The following FAM234B variants were observed in gnomAD, a reference collection of about 807,000 sequenced individuals.
The protein encoded by FAM234B is protein FAM234B.
In FAM234B, 33 loss-of-function variants were observed where a neutral mutation model predicts 69.3. The ratio of observed to expected loss-of-function variants is 0.48; its 90% CI spans 0.36 to 0.64. The LOEUF is 0.64. Ranked by LOEUF, FAM234B falls within the 30% of genes least tolerant of loss-of-function variation. The pLI, the probability that FAM234B is intolerant of heterozygous loss-of-function variation, is 0.00. For synonymous variants in FAM234B, 306 were observed against 306.9 expected (o/e 1.00, Z 0.03); for missense variants, 697 against 769.7 (o/e 0.91, Z 1.12).
At chr12:13,079,121 G>T (rs972065639) in intron 11 of FAM234B, among the ~76,000 whole-genome samples, 37 of 152,196 alleles carry the variant, frequency 2.4e-4, no homozygotes, top group African/African-American at 7.9e-4. Flanking sequence ...GAGGCATCAC[G>T]CTACCTGACT....
At position 13,044,429 on chromosome 12, in the gene FAM234B, T is replaced by C; in HGVS notation, c.26T>C (p.Leu9Pro). 1.3e-6 allele frequency: 2 copies of C among 1,551,680 alleles called. No homozygotes were observed. The highest frequency in any genetic ancestry group is 2.4e-5 in the South Asian group (2 of 84,122). The change falls in exon 1 of 13, where the codon CTC becomes CCC. Residue 9 changes from leucine (L) to proline (P), a missense_variant. Coordinates refer to ENST00000197268, the MANE Select transcript of FAM234B (RefSeq NM_020853.2). This position sits in a 1 kb window ranked among gnomAD's most constrained non-coding sequence, Gnocchi z 5.6. MATVLSRA[L>P]KLPGKKSPDL... ...ATGGCGACCGTGCTGTCCAGGGCGC[T>C]CAAGCTGCCGGGTAAGGAGTCGCAT...
intron 5 of FAM234B, among the ~76,000 whole-genome samples, chr12:13,066,005 C>T (rs1419769862): frequency 6.6e-6 from 1 of 152,120 alleles, no homozygotes; most frequent in Non-Finnish European, 1.5e-5. Flanking sequence ...TAAATTTGGC[C>T]CACTACTTGT....
intron 9 of FAM234B, among the ~76,000 whole-genome samples, chr12:13,070,886 T>C (rs946214089): frequency 6.6e-6 from 1 of 152,186 alleles, no homozygotes; most frequent in Admixed American, 6.5e-5. Context: ...TCTGTCTCTC[T>C]GAGGACTGTC....
chr12:13,066,876 T>C (rs1865045003), intron 6 of FAM234B, 89 bp downstream of exon 6: 1 of 1,421,980 alleles, frequency 7.0e-7, no homozygotes. Flanking sequence ...GCTCAGGAAC[T>C]CCTGACACCA....
intron 10 of FAM234B, among the ~76,000 whole-genome samples, chr12:13,074,076 G>C (rs1337112437): frequency 6.6e-6 from 1 of 152,150 alleles, no homozygotes; most frequent in Non-Finnish European, 1.5e-5. Flanking sequence ...GATAGGGGCT[G>C]TTTTCAAACT....
At chr12:13,057,034 G>A (rs1137853) in intron 2 of FAM234B, among the ~76,000 whole-genome samples, 2 of 149,380 alleles carry the variant, frequency 1.3e-5, no homozygotes, top group Non-Finnish European at 3.0e-5. Flanking sequence ...CTGGGGTGCA[G>A]TGGCATGATC....
In FAM234B at chr12:13,068,713, T is replaced by C; in HGVS notation, c.1368+2T>C. On this transcript the variant is annotated splice_donor_variant, in intron 9 of 12. Coordinates refer to ENST00000197268, the MANE Select transcript of FAM234B (RefSeq NM_020853.2). LOFTEE classifies it high-confidence loss of function. ...CAGGATGGAGTTGGGATGAAAAAGGTAAAACTTTGGGCCTCAGATCAATCA... is the reference window on the plus strand; with the variant it reads ...CAGGATGGAGTTGGGATGAAAAAGGCAAAACTTTGGGCCTCAGATCAATCA... 6.3e-7 allele frequency: 1 copy of C among 1,597,978 alleles called. No homozygotes were observed. The highest frequency in any genetic ancestry group is 8.6e-7 in the Non-Finnish European group (1 of 1,165,548).
chr12:13,067,552 A>T lies in FAM234B; in HGVS notation c.1142+256A>T, dbSNP rs1053918078. On this transcript the variant is annotated intron_variant, in intron 7 of 12. Transcript: ENST00000197268. The surrounding 1 kb of genome is among the most constrained non-coding windows in gnomAD (Gnocchi z 4.7). ...AGGTAGGATGCAAGGAAGGATACTT[A>T]GGGCTCTGAGTCAGAGTAGGGAGGG... 2.0e-5 allele frequency among the ~76,000 whole-genome samples: 3 copies of T among 152,222 alleles called. No homozygotes were observed. The highest frequency in any genetic ancestry group is 4.4e-5 in the Non-Finnish European group (3 of 68,028).
Position 13,055,759 on chromosome 12 carries a change from C to T in FAM234B, c.246C>T (p.Tyr82=). The T allele has an allele frequency of 1.2e-6, 2 of 1,614,190 alleles. No individual in the cohort carries two copies. Among genetic ancestry groups the T allele is most frequent in the South Asian group, 1.1e-5 (1 of 91,086 alleles). ...TTTCAGAAGTCACCACGGAGGGCTACCCCTCAGAACCCCTTGGGGGCCTGG... is the reference window on the plus strand; with the variant it reads ...TTTCAGAAGTCACCACGGAGGGCTATCCCTCAGAACCCCTTGGGGGCCTGG... The part of the protein sequence containing the change: ...PHLSEVTTEG[Y]PSEPLGGLEQ... The change falls in exon 2 of 13, where the codon TAC becomes TAT. Residue 82 remains tyrosine (Y), a synonymous_variant. Coordinates refer to ENST00000197268, the MANE Select transcript of FAM234B (RefSeq NM_020853.2).
rs116322441 is a variant in FAM234B, at chr12:13,079,609, C to T, written c.1643-180C>T. Among the ~76,000 whole-genome samples the T allele has an allele frequency of 3.5e-3, 531 of 152,302 alleles. 7 individuals are homozygous for T. Among genetic ancestry groups the T allele is most frequent in the African/African-American group, 0.012 (497 of 41,568 alleles). ...CAGGAAGAATGTGCTGCTTTACTGG[C>T]GTCCAGTCCTTCCCCTCTTTGCACC... On this transcript the variant is annotated intron_variant, in intron 11 of 12. Coordinates refer to ENST00000197268, the MANE Select transcript of FAM234B (RefSeq NM_020853.2).
intron 2 of FAM234B, among the ~76,000 whole-genome samples, chr12:13,057,210 T>C (rs1276670383): frequency 6.6e-6 from 1 of 152,164 alleles, no homozygotes; most frequent in Non-Finnish European, 1.5e-5. Flanking sequence ...ACTCCTGACC[T>C]CAGGTGATCC....
chr12:13,065,124 T>A (rs1865023678), intron 5 of FAM234B, among the ~76,000 whole-genome samples: 1 of 152,202 alleles, frequency 6.6e-6, no homozygotes, highest in African/African-American at 2.4e-5. Context: ...TCCAGAAAAT[T>A]CTGTCCTAAG....
At chr12:13,059,200 C>T (rs1032744515) in intron 3 of FAM234B, among the ~76,000 whole-genome samples, 2 of 152,220 alleles carry the variant, frequency 1.3e-5, no homozygotes, top group Non-Finnish European at 2.9e-5. Flanking sequence ...GGGGTCACTG[C>T]AGAATGGCTG....
chr12:13,047,761 G>A (rs1196223269), intron 1 of FAM234B, among the ~76,000 whole-genome samples: 1 of 152,208 alleles, frequency 6.6e-6, no homozygotes, highest in Non-Finnish European at 1.5e-5. Flanking sequence ...AAGGAAGCGA[G>A]TGAGTGCTAA....
chr12:13,059,326 A>G lies in FAM234B; in HGVS notation c.532+777A>G, dbSNP rs184987148. On this transcript the variant is annotated intron_variant, in intron 3 of 12. Coordinates refer to ENST00000197268, the MANE Select transcript of FAM234B (RefSeq NM_020853.2). The stretch of plus-strand genomic sequence containing the variant: ...TTGTGTCTTTGTTGGGGAGCCTAAC[A>G]GTTCTGAGGGTCTGCACTATCACTT... 8.3e-3 allele frequency among the ~76,000 whole-genome samples: 1,257 copies of G among 152,340 alleles called. 9 individuals carry two copies. Among genetic ancestry groups the G allele is most frequent in the Middle Eastern group, 0.034 (10 of 294 alleles).
chr12:13,075,297 G>A (rs1872627), intron 10 of FAM234B, among the ~76,000 whole-genome samples: 69,343 of 151,958 alleles, frequency 0.46, 17,448 homozygotes, highest in East Asian at 0.77. Context: ...GTGTTTTCAT[G>A]AATAGATTAC....
intron 2 of FAM234B, 37 bp from the exon 3 acceptor site, chr12:13,058,414 T>G: frequency 6.4e-7 from 1 of 1,567,048 alleles, no homozygotes; most frequent in Non-Finnish European, 8.8e-7. Flanking sequence ...TGTGGTAACT[T>G]GCTCAGGACC....
rs1865226872 is a variant in FAM234B, at chr12:13,081,578, A to C, written c.*948A>C. On this transcript the variant is annotated 3_prime_UTR_variant, in exon 13 of 13. Coordinates refer to ENST00000197268, the MANE Select transcript of FAM234B (RefSeq NM_020853.2). ...TAGGGCACCCTCCTTAGCTCCCCTC[A>C]CTCTGTTTTCTCTTCTATTCAGGGA... is the stretch of plus-strand genomic sequence containing the variant. The C allele has an allele frequency of 6.6e-6, 1 of 151,618 alleles. No homozygotes were observed. The highest frequency in any genetic ancestry group is 2.1e-4 in the South Asian group (1 of 4,804). The allele number at this position is 151,618 out of a possible 1,614,324, so 9.4% of individuals were successfully genotyped here.
intron 1 of FAM234B, among the ~76,000 whole-genome samples, chr12:13,054,455 TA>T (rs1240298055): frequency 1.3e-5 from 2 of 152,242 alleles, no homozygotes; most frequent in African/African-American, 4.8e-5. Context: ...TTCATTTTAT[TA>T]ATTGAACAAA....
Sources: gnomAD v4.1 joint callset for allele counts (sites outside exome capture counted in the v4.1 genomes callset) on GRCh38, gnomAD v4.1.1 for gene constraint, Gnocchi (gnomAD v3.1) non-coding constraint, MANE v1.5 for transcripts, NCBI Gene and HGNC (gene_info 2026-07-23, HGNC 2026-07-21) for gene names.